The following SLC2A9 variants were observed in gnomAD, a reference collection of about 807,000 sequenced individuals.
The protein encoded by SLC2A9 is solute carrier family 2 member 9, also known as solute carrier family 2, facilitated glucose transporter member 9.
A neutral mutation model predicts 50.6 loss-of-function variants in SLC2A9; 39 were observed. The ratio of observed to expected loss-of-function variants is 0.77; its 90% confidence interval spans 0.60 to 1.01. The LOEUF (loss-of-function observed/expected upper bound fraction) is 1.01, where lower values mean the gene tolerates loss of function less well. Ranked by LOEUF, SLC2A9 falls within the 50% of genes least tolerant of loss-of-function variation. The pLI, the probability that SLC2A9 is intolerant of heterozygous loss-of-function variation, is 0.00. For synonymous variants in SLC2A9, 324 were observed against 276.9 expected, an observed-to-expected ratio of 1.17 and a Z score of -1.69; for missense variants, 686 against 677.6, an observed-to-expected ratio of 1.01 and a Z score of -0.14.
At chr4:9,918,675 G>C (rs945525161) in intron 7 of SLC2A9, among the ~76,000 whole-genome samples, 6 of 152,348 alleles carry the variant, frequency 3.9e-5, no homozygotes, top group Middle Eastern at 3.4e-3. Flanking sequence ...CACTTGATGA[G>C]GTTTGCAGCC....
chr4:9,844,301 C>A (rs1728601902), intron 10 of SLC2A9, among the ~76,000 whole-genome samples: 1 of 152,004 alleles, frequency 6.6e-6, no homozygotes, highest in South Asian at 2.1e-4. Flanking sequence ...TTCCCCCACT[C>A]ATTTTTCTCC....
At chr4:9,925,525 T>C (rs1177633954) in intron 6 of SLC2A9, among the ~76,000 whole-genome samples, 1 of 152,156 alleles carries the variant, frequency 6.6e-6, no homozygotes, top group Non-Finnish European at 1.5e-5. Context: ...CCCAGACTAG[T>C]TACCTATTCT....
At chr4:9,911,007 G>A (rs908288280) in intron 7 of SLC2A9, among the ~76,000 whole-genome samples, 4 of 151,126 alleles carry the variant, frequency 2.6e-5, no homozygotes, top group African/African-American at 7.3e-5. Context: ...GGGGTGTGGG[G>A]GGGCTAGAGG....
intron 2 of SLC2A9, among the ~76,000 whole-genome samples, chr4:10,005,906 C>T (rs1442337575): frequency 4.6e-5 from 7 of 152,152 alleles, no homozygotes; most frequent in African/African-American, 9.7e-5. Context: ...AACCTCTCTG[C>T]GCCTCAGGTT....
At chr4:10,027,250 A>G (rs533659183) in intron 1 of SLC2A9, among the ~76,000 whole-genome samples, 1 of 152,290 alleles carries the variant, frequency 6.6e-6, no homozygotes, top group African/African-American at 2.4e-5. Flanking sequence ...TTGGAACTGG[A>G]TGGAAATGGT....
intron 10 of SLC2A9, among the ~76,000 whole-genome samples, chr4:9,836,017 G>A (rs1727021170): frequency 6.7e-6 from 1 of 149,700 alleles, no homozygotes. Context: ...AACCTGGAAG[G>A]TGGAGGTTGC....
chr4:9,957,164 A>C (rs6843873), intron 5 of SLC2A9, among the ~76,000 whole-genome samples: 73,194 of 151,636 alleles, frequency 0.48, 19,024 homozygotes, highest in African/African-American at 0.67. Flanking sequence ...ATGGAACCAC[A>C]GTCATTCCAG....
At position 9,897,292 on chromosome 4, in the gene SLC2A9, G is replaced by C. The variant is rs189741361; in HGVS notation, c.1114-6581C>G. On this transcript the variant is annotated intron_variant, in intron 8 of 11. Coordinates refer to ENST00000264784, the MANE Select transcript of SLC2A9 (RefSeq NM_020041.3). ...TGTGAGCTGCCTGAGGTCACTGAGA[G>C]CCTCCAACAGCACTGGCACTGGGGC... 1.4e-3 allele frequency among the ~76,000 whole-genome samples: 208 copies of C among 152,236 alleles called. No individual in the cohort carries two copies. In the Middle Eastern group the frequency reaches 0.017, roughly 12 times the overall value.
chr4:9,890,819 T>C (rs1315303407), intron 8 of SLC2A9, 108 bp from the exon 9 acceptor site: 1 of 968,270 alleles, frequency 1.0e-6, no homozygotes, highest in Non-Finnish European at 1.6e-6. Context: ...AAACCGGCTT[T>C]GACCCTGAGA....
intron 5 of SLC2A9, among the ~76,000 whole-genome samples, chr4:9,956,038 C>T (rs77178346): frequency 0.48 from 73,234 of 151,366 alleles, 19,040 homozygotes; most frequent in African/African-American, 0.67. Context: ...CCACCATGCC[C>T]GGCTAATTTT....
intron 3 of SLC2A9, among the ~76,000 whole-genome samples, chr4:9,799,700 C>CCACCA (rs1553813203): frequency 1.2e-4 from 11 of 93,636 alleles, no homozygotes; most frequent in Admixed American, 2.5e-4. Flanking sequence ...GTACCCCCCC[C>CCACCA]CCACCCAACT....
chr4:9,772,849 T>C (rs1301325313), intron 1 of SLC2A9, among the ~76,000 whole-genome samples: 5 of 151,304 alleles, frequency 3.3e-5, no homozygotes, highest in African/African-American at 1.2e-4. Context: ...ATACTCTAAG[T>C]TTTAGGGTAC....
At chr4:9,999,057 G>T (rs1220825675) in intron 2 of SLC2A9, among the ~76,000 whole-genome samples, 1 of 144,870 alleles carries the variant, frequency 6.9e-6, no homozygotes, top group African/African-American at 2.6e-5. Context: ...AACTGGGGAG[G>T]GACACTTGGT....
intron 10 of SLC2A9, among the ~76,000 whole-genome samples, chr4:9,847,377 G>T (rs1729150153): frequency 6.6e-6 from 1 of 152,138 alleles, no homozygotes; most frequent in Non-Finnish European, 1.5e-5. Context: ...ACTATCATGA[G>T]AACAGCATAA....
At chr4:9,925,163 C>T (rs1396483388) in intron 6 of SLC2A9, among the ~76,000 whole-genome samples, 1 of 152,232 alleles carries the variant, frequency 6.6e-6, no homozygotes, top group Admixed American at 6.5e-5. Flanking sequence ...GCCTCTGTGC[C>T]CTGCTCGTGC....
At chr4:9,771,637 G>T (rs1577222264) in intron 1 of SLC2A9, among the ~76,000 whole-genome samples, 2 of 152,230 alleles carry the variant, frequency 1.3e-5, no homozygotes, top group African/African-American at 2.4e-5. Flanking sequence ...CACCTTGAGT[G>T]GTTTGCAGCT....
At chr4:9,861,507 A>G (rs1178756152) in intron 10 of SLC2A9, among the ~76,000 whole-genome samples, 1 of 152,150 alleles carries the variant, frequency 6.6e-6, no homozygotes, top group Non-Finnish European at 1.5e-5. Context: ...CCATATAATT[A>G]CATTATATTT....
intron 3 of SLC2A9, among the ~76,000 whole-genome samples, chr4:9,788,628 G>T (rs1225976065): frequency 1.3e-5 from 2 of 152,060 alleles, no homozygotes; most frequent in East Asian, 3.9e-4. Context: ...TCAGTCTAGG[G>T]GCAACACTCA....
chr4:9,963,524 T>G (rs917077127), intron 5 of SLC2A9, among the ~76,000 whole-genome samples: 3 of 152,184 alleles, frequency 2.0e-5, no homozygotes, highest in African/African-American at 7.2e-5. Flanking sequence ...GACACGCGGA[T>G]GACCACCTGA....
Sources: allele counts gnomAD v4.1 joint callset (sites outside exome capture counted in the v4.1 genomes callset), GRCh38; gene constraint gnomAD v4.1.1; transcripts MANE v1.5; gene names NCBI Gene and HGNC (gene_info 2026-07-23, HGNC 2026-07-21).